The following ZNF117 variants were observed in gnomAD, a reference collection of about 807,000 sequenced individuals.
ZNF117 encodes the protein zinc finger protein 117, also known as Krueppel-related zinc finger protein.
ZNF117 carries 37 observed loss-of-function variants against 41.2 expected under a neutral mutation model. The ratio of observed to expected loss-of-function variants is 0.90; its 90% confidence interval spans 0.69 to 1.18. The LOEUF is 1.18. ZNF117 is among the 50% of genes most tolerant of loss of function. The pLI, the probability that ZNF117 is intolerant of heterozygous loss-of-function variation, is 0.00. For missense variants in ZNF117, 546 were observed against 557.5 expected, an observed-to-expected ratio of 0.98 and a Z score of 0.21; for synonymous variants, 186 against 186.6, an observed-to-expected ratio of 1.00 and a Z score of 0.02.
chr7:64,979,113 T>G, exon 3 of ZNF117: 1 of 1,612,486 alleles, frequency 6.2e-7, no homozygotes, highest in South Asian at 1.1e-5. Context: ...CTTATGTTTA[T>G]TAAGGGTTGA....
exon 3 of ZNF117, chr7:64,976,681 C>A (rs1456478605): frequency 3.5e-6 from 1 of 285,488 alleles, no homozygotes; most frequent in Non-Finnish European, 6.8e-6. Flanking sequence ...ATCTTACCTA[C>A]AATCAAGTGT....
chr7:64,984,104 A>G (rs1295837916), upstream of ZNF117, among the ~76,000 whole-genome samples: 1 of 152,184 alleles, frequency 6.6e-6, no homozygotes, highest in Non-Finnish European at 1.5e-5. Context: ...TGAGAGATCT[A>G]TAATGGAATA....
At chr7:64,989,010 C>A (rs1167678404) in intron 1 of ZNF117, among the ~76,000 whole-genome samples, 1 of 151,932 alleles carries the variant, frequency 6.6e-6, no homozygotes, top group Non-Finnish European at 1.5e-5. Context: ...ATTAAAATGG[C>A]CATACTGCCA....
upstream of ZNF117, among the ~76,000 whole-genome samples, chr7:64,986,307 A>G (rs556604661): frequency 1.3e-5 from 2 of 152,316 alleles, no homozygotes; most frequent in Admixed American, 6.5e-5. Context: ...TCCAAATTTA[A>G]AGGAGAAAGA....
chr7:64,975,514 C>T (rs1447003938), exon 3 of ZNF117: 3 of 151,864 alleles, frequency 2.0e-5, no homozygotes, highest in Non-Finnish European at 1.5e-5. Flanking sequence ...AAAAATATTG[C>T]CCACCTAACA....
chr7:64,984,733 A>G (rs1051671314), upstream of ZNF117, among the ~76,000 whole-genome samples: 4 of 127,150 alleles, frequency 3.1e-5, no homozygotes, highest in African/African-American at 1.1e-4. Flanking sequence ...AAAATTGTCT[A>G]CAACCATAAT....
At chr7:64,976,286 A>T (rs1027159855) in exon 3 of ZNF117, 3 of 152,486 alleles carry the variant, frequency 2.0e-5, no homozygotes, top group African/African-American at 7.2e-5. Flanking sequence ...TACTAAAAAT[A>T]AAAAAATTAG....
At position 64,981,219 on chromosome 7, in the gene ZNF117, A is replaced by C. The variant is rs1186420546; in HGVS notation, c.34+168T>G. ...GAAAGAGGAATCCTTAGAGAATTGAAAAACAATACAAAATATGTTCTATGT... is the reference window on the plus strand; with the variant it reads ...GAAAGAGGAATCCTTAGAGAATTGACAAACAATACAAAATATGTTCTATGT... On this transcript the variant is annotated intron_variant, in intron 2 of 2. Coordinates refer to ENST00000620222, the Ensembl canonical transcript of ZNF117. The C allele has an allele frequency of 3.6e-6, 3 of 844,728 alleles. No homozygotes were observed. The African/African-American group carries it at 5.3e-5, about 15-fold the overall frequency. 52.3% of individuals were successfully genotyped at this position (844,728 alleles called of 1,614,324 possible).
At chr7:64,986,141 G>A (rs11771529), upstream of ZNF117, among the ~76,000 whole-genome samples, 77,469 of 129,018 alleles carry the variant, frequency 0.6, 20,754 homozygotes, top group Admixed American at 0.7. Context: ...AAAAGCAGAA[G>A]AAAGAAAGGT....
intron 2 of ZNF117, chr7:64,980,497 CAG>C (rs577146592): frequency 2.8e-4 from 42 of 151,284 alleles, no homozygotes; most frequent in Non-Finnish European, 4.9e-4. Flanking sequence ...TATCAAAAAA[CAG>C]ATATTGTGGA....
downstream of ZNF117, chr7:64,971,820 TC>T (rs1785788952): frequency 6.6e-6 from 1 of 151,674 alleles, no homozygotes; most frequent in African/African-American, 2.4e-5. Flanking sequence ...TCCAAGGAAA[TC>T]AAAAGAAAAA....
At chr7:64,988,529 G>A (rs749597278) in intron 1 of ZNF117, among the ~76,000 whole-genome samples, 2 of 152,130 alleles carry the variant, frequency 1.3e-5, no homozygotes, top group Non-Finnish European at 2.9e-5. Context: ...ATTTCTCCAT[G>A]AAAACTGGCA....
At chr7:64,972,208 A>C (rs1343876377), downstream of ZNF117, 2 of 152,076 alleles carry the variant, frequency 1.3e-5, no homozygotes, top group Non-Finnish European at 2.9e-5. Flanking sequence ...ATGCTTGCAC[A>C]CTGTTGGTTT....
In ZNF117 at chr7:64,980,190, G is replaced by C. The variant is rs142471082; in HGVS notation, c.35-654C>G. The C allele has an allele frequency of 4.6e-4, 70 of 152,148 alleles. 1 individual carries two copies. Among genetic ancestry groups the C allele is most frequent in the African/African-American group, 1.6e-3 (68 of 41,550 alleles). 9.4% of individuals were successfully genotyped at this position (152,148 alleles called of 1,614,324 possible). A position where few individuals can be genotyped will look rare whatever the true frequency, so the allele number is the denominator to read the frequency against. On this transcript the variant is annotated intron_variant, in intron 2 of 2. Coordinates refer to ENST00000620222, the Ensembl canonical transcript of ZNF117. ...ACACATCCTAAGAACATGTTTGAAA[G>C]ACTCTCAGGATCTCTAGCTAAGACA... is the stretch of plus-strand genomic sequence containing the variant.
chr7:64,972,748 CATA>C (rs961648987), downstream of ZNF117: 8 of 151,972 alleles, frequency 5.3e-5, no homozygotes, highest in Non-Finnish European at 8.8e-5. Flanking sequence ...GACTACAGAT[CATA>C]ATAATGTAGT....
rs545099145 is a variant in ZNF117 at position 64,990,469 on chromosome 7, G to A, written c.-718C>T. On this transcript the variant is annotated 5_prime_UTR_variant, in exon 1 of 4. Transcript: ENST00000282869. Reference sequence around the variant, plus strand: ...ACTTTTATACATGCATCAGGCAGGGGCAAGTCGGGTTTTTGGCGCAAAACC... The same window carrying A: ...ACTTTTATACATGCATCAGGCAGGGACAAGTCGGGTTTTTGGCGCAAAACC... 15 of 182,966 alleles carry A rather than the reference G, an allele frequency of 8.2e-5. No individual in the cohort carries two copies. The South Asian group carries it at 2.2e-3, about 27-fold the overall frequency. The allele number at this position is 182,966 out of a possible 1,614,324, so 11.3% of individuals were successfully genotyped here. A position where few individuals can be genotyped will look rare whatever the true frequency, so the allele number is the denominator to read the frequency against.
downstream of ZNF117, chr7:64,974,216 T>G (rs928012843): frequency 1.3e-5 from 2 of 151,916 alleles, no homozygotes; most frequent in African/African-American, 4.8e-5. Context: ...AAACTTATCT[T>G]GTGTGCAGTA....
rs115657065 is a variant in ZNF117, at chr7:64,979,141, T to C, written c.430A>G (p.Arg144Gly). 7.5e-6 allele frequency: 12 copies of C among 1,607,494 alleles called. No homozygotes were observed. In the African/African-American group the frequency reaches 1.6e-4, roughly 22 times the overall value. The change falls in exon 3 of 3, where the codon AGA becomes GGA. Residue 144 changes from arginine (R) to glycine (G), a missense_variant. By Grantham distance (125) the Arg-to-Gly change is moderately radical (BLOSUM62 -2). Transcript: ENST00000620222. ...AGGGTTGAGGACCAGTTAAAGGCTC[T>C]TCCATATGCTTCACATTTGTAGAAA... is the stretch of plus-strand genomic sequence containing the variant.
exon 3 of ZNF117, chr7:64,974,474 ATTAC>A (rs1300465195): frequency 2.6e-5 from 4 of 151,886 alleles, no homozygotes; most frequent in Admixed American, 1.3e-4. Flanking sequence ...TGTCTAGTAC[ATTAC>A]TTTATTAAAA....
Sources: gnomAD v4.1 joint callset for allele counts (sites outside exome capture counted in the v4.1 genomes callset) on GRCh38, gnomAD v4.1.1 for gene constraint, MANE v1.5 for transcripts, NCBI Gene and HGNC (gene_info 2026-07-23, HGNC 2026-07-21) for gene names.